The following ASIP variants were observed in gnomAD, a reference collection of about 807,000 sequenced individuals.
ASIP encodes agouti signaling protein.
ASIP carries 11 observed loss-of-function variants against 10.3 expected under a neutral mutation model. The ratio of observed to expected loss-of-function variants is 1.07; its 90% CI spans 0.68 to 1.78. The LOEUF is 1.78. ASIP is among the 40% of genes most tolerant of loss of function. ASIP has a pLI of 0.00. For synonymous variants in ASIP, 70 were observed against 70.8 expected (o/e 0.99, Z 0.06); for missense variants, 180 against 169.2 (o/e 1.06, Z -0.35).
intron 1 of ASIP, chr20:34,215,677 G>A (rs1359607976): frequency 6.9e-7 from 1 of 1,450,448 alleles, no homozygotes; most frequent in East Asian, 2.3e-5. Flanking sequence ...GTTGAACAGT[G>A]GTTAGTTCTG....
intron 1 of ASIP, chr20:34,213,595 A>G (rs1200652321): frequency 3.3e-5 from 51 of 1,563,228 alleles, no homozygotes; most frequent in Middle Eastern, 3.4e-4. Flanking sequence ...AAACGGGGAT[A>G]CTTGTACCTT....
chr20:34,225,351 A>G (rs1260855487), intron 1 of ASIP, among the ~76,000 whole-genome samples: 1 of 150,666 alleles, frequency 6.6e-6, no homozygotes, highest in African/African-American at 2.4e-5. Context: ...CACCTTTGTT[A>G]TATAGAAAAT....
the ASIP span, among the ~76,000 whole-genome samples, chr20:34,187,660 A>G: frequency 2.6e-5 from 4 of 152,242 alleles, no homozygotes; most frequent in African/African-American, 7.2e-5. Flanking sequence ...TACAAAATCA[A>G]GAAGATATAT....
rs2035380456 is a variant in ASIP, at chr20:34,246,640, T to C, written c.-11+5151T>C. On this transcript the variant is annotated intron_variant, in intron 1 of 3. Transcript: ENST00000374954. ...CCTGACTAATTTTTTGTATTTTTGG[T>C]AGAGATGGGGTTTCGCCATGTTGCC... 8.7e-6 allele frequency: 5 copies of C among 575,100 alleles called. No homozygotes were observed. In the East Asian group the frequency reaches 1.7e-4, roughly 20 times the overall value. The allele number at this position is 575,100 out of a possible 1,614,324, so 35.6% of individuals were successfully genotyped here.
intron 1 of ASIP, among the ~76,000 whole-genome samples, chr20:34,235,806 A>AAAG (rs2035176414): frequency 1.8e-5 from 1 of 57,090 alleles, no homozygotes; most frequent in African/African-American, 2.0e-4. Context: ...AGAAAGAAAG[A>AAAG]AAGAAAGAAA....
chr20:34,262,966 C>T (rs1308784318), intron 3 of ASIP, 73 bp downstream of exon 3: 2 of 1,541,454 alleles, frequency 1.3e-6, no homozygotes, highest in Non-Finnish European at 1.8e-6. Flanking sequence ...GACCCCCAAC[C>T]TCTGGCTAGG....
In ASIP at chr20:34,258,690, T is replaced by TATATATATATATATATATATATATAC. The variant is rs1250992566; in HGVS notation, c.-10-1674_-10-1673insTATATATATATATATATATATATACA. On this transcript the variant is annotated intron_variant, in intron 1 of 3. Transcript: ENST00000374954. The stretch of plus-strand genomic sequence containing the variant: ...GGGGGATGCCATATATATATATATA[T>TATATATATATATATATATATATATAC]ACATACTATATATATATATTATATA... 2.3e-3 allele frequency among the ~76,000 whole-genome samples: 166 copies of TATATATATATATATATATATATATAC among 72,290 alleles called. 13 individuals carry two copies. Among genetic ancestry groups the TATATATATATATATATATATATATAC allele is most frequent in the Non-Finnish European group, 3.1e-3 (137 of 43,558 alleles). 47.4% of individuals were successfully genotyped at this position (72,290 alleles called of 152,430 possible).
In ASIP at chr20:34,258,674, C is replaced by CATATATATATAT. The variant is rs772655085; in HGVS notation, c.-10-1685_-10-1674dup. Reference sequence around the variant, plus strand: ...AGTTAATATCTTAGAAGGGGGATGCCATATATATATATATATACATACTAT... The same window carrying CATATATATATAT: ...AGTTAATATCTTAGAAGGGGGATGCCATATATATATATATATATATATATATATACATACTAT... On this transcript the variant is annotated intron_variant, in intron 1 of 3. Coordinates refer to ENST00000374954, the MANE Select transcript of ASIP (RefSeq NM_001672.3). Among the ~76,000 whole-genome samples the CATATATATATAT allele has an allele frequency of 3.4e-3, 41 of 12,146 alleles. 7 individuals carry two copies. The highest frequency in any genetic ancestry group is 0.03 in the East Asian group (3 of 100). 8.0% of individuals were successfully genotyped at this position (12,146 alleles called of 152,430 possible).
At chr20:34,266,305 G>A (rs752209087) in intron 3 of ASIP, among the ~76,000 whole-genome samples, 6 of 151,076 alleles carry the variant, frequency 4.0e-5, no homozygotes, top group Middle Eastern at 3.4e-3. Flanking sequence ...AGCCGAGACC[G>A]TGCCACTACA....
At chr20:34,227,019 A>G (rs1206053645) in intron 1 of ASIP, among the ~76,000 whole-genome samples, 1 of 152,244 alleles carries the variant, frequency 6.6e-6, no homozygotes, top group East Asian at 1.9e-4. Flanking sequence ...AACAAGGAAT[A>G]AAAAACAATA....
intron 1 of ASIP, among the ~76,000 whole-genome samples, chr20:34,236,180 G>A (rs556359335): frequency 2.7e-4 from 41 of 151,914 alleles, no homozygotes; most frequent in Middle Eastern, 6.8e-3. Flanking sequence ...AAGAAAGAAA[G>A]AAAAGGCTAA....
intron 1 of ASIP, among the ~76,000 whole-genome samples, chr20:34,257,890 C>A (rs2035600176): frequency 6.6e-6 from 1 of 152,122 alleles, no homozygotes; most frequent in Non-Finnish European, 1.5e-5. Context: ...ACACCTGTAA[C>A]CCCAGCACTT....
In ASIP at chr20:34,223,293, T is replaced by G. The variant is rs1484236878; in HGVS notation, c.-11+28533T>G. 3.3e-4 allele frequency among the ~76,000 whole-genome samples: 44 copies of G among 132,450 alleles called. No homozygotes were observed. In the South Asian group the frequency reaches 3.8e-3, roughly 11 times the overall value. 86.9% of individuals were successfully genotyped at this position (132,450 alleles called of 152,430 possible). On this transcript the variant is annotated intron_variant, in intron 1 of 3. Transcript: ENST00000568305. ...CTCTGCCCTGCCGCCCCGTCTGGGA[T>G]GTGAGGAGCGCCTCTGCCCGGCCGA...
chr20:34,262,852 C>G lies in ASIP; in HGVS notation c.181C>G (p.Gln61Glu), dbSNP rs749605159. 1 of 1,614,030 alleles carries G rather than the reference C, an allele frequency of 6.2e-7. No individual in the cohort carries two copies. Among genetic ancestry groups the G allele is most frequent in the Non-Finnish European group, 8.5e-7 (1 of 1,179,956 alleles). The change falls in exon 3 of 4, where the codon CAG (glutamine) becomes GAG (glutamate). Residue 61 changes from glutamine to glutamate, a missense_variant. By Grantham distance (29) the Gln-to-Glu change is conservative. Transcript: ENST00000374954. ...TGAAGCGCTGAACAAGAAATCCAAA[C>G]AGATCGGCAGAAAAGCAGCAGAAAA... ...SIVALNKKSK[Q>E]IGRKAAEKKR...
At chr20:34,212,324 CCT>C (rs1164753512) in intron 1 of ASIP, among the ~76,000 whole-genome samples, 4 of 152,134 alleles carry the variant, frequency 2.6e-5, no homozygotes, top group African/African-American at 4.8e-5. Context: ...TTATTTTGTG[CCT>C]GTGTGTTCAC....
intron 1 of ASIP, among the ~76,000 whole-genome samples, chr20:34,200,969 TTTCCTTCCTTCC>T (rs1179933802): frequency 1.6e-3 from 114 of 72,972 alleles, no homozygotes; most frequent in Middle Eastern, 0.014. Flanking sequence ...TCTTTCTTTC[TTTCCTTCCTTCC>T]TTCCTTCCTT....
chr20:34,245,594 T>C (rs186224263), intron 1 of ASIP, among the ~76,000 whole-genome samples: 51 of 151,814 alleles, frequency 3.4e-4, no homozygotes, highest in South Asian at 1.2e-3. Flanking sequence ...TTTCACCATA[T>C]TGGCCAGGCT....
upstream of ASIP, among the ~76,000 whole-genome samples, chr20:34,191,018 T>C (rs1490846406): frequency 6.6e-6 from 1 of 152,210 alleles, no homozygotes; most frequent in Non-Finnish European, 1.5e-5. Flanking sequence ...GCACATATCC[T>C]GGAACACTGC....
At chr20:34,251,924 A>G (rs73610824) in intron 1 of ASIP, among the ~76,000 whole-genome samples, 4 of 152,298 alleles carry the variant, frequency 2.6e-5, no homozygotes, top group Admixed American at 2.6e-4. Context: ...GAACCATGAG[A>G]AATAAATTTC....
Sources: allele counts gnomAD v4.1 joint callset (sites outside exome capture counted in the v4.1 genomes callset), GRCh38; gene constraint gnomAD v4.1.1; transcripts MANE v1.5; gene names NCBI Gene and HGNC (gene_info 2026-07-23, HGNC 2026-07-21).